The following GTF2B variants were observed in gnomAD, a reference collection of about 807,000 sequenced individuals.
GTF2B encodes transcription initiation factor IIB.
A neutral mutation model predicts 34.6 loss-of-function variants in GTF2B; 20 were observed. The ratio of observed to expected loss-of-function variants is 0.58; its 90% CI spans 0.41 to 0.84. The LOEUF (loss-of-function observed/expected upper bound fraction) is 0.84, where lower values mean the gene tolerates loss of function less well. Among genes scored for constraint, GTF2B ranks in the 40% least tolerant of loss-of-function variants. The probability of loss-of-function intolerance (pLI) is 0.00; values close to 1 mark genes in which losing one functional copy is unlikely to be tolerated. For synonymous variants in GTF2B, 142 were observed against 132.4 expected (o/e 1.07, Z -0.50); for missense variants, 237 against 393.3 (o/e 0.60, Z 3.36).
intron 3 of GTF2B, among the ~76,000 whole-genome samples, chr1:88,863,532 T>C (rs999551036): frequency 1.2e-4 from 18 of 152,026 alleles, no homozygotes; most frequent in African/African-American, 4.1e-4. Flanking sequence ...TTCCTTTTTT[T>C]TTGTAGTAGA....
intron 2 of GTF2B, among the ~76,000 whole-genome samples, chr1:88,883,847 C>A (rs1673999643): frequency 6.6e-6 from 1 of 152,096 alleles, no homozygotes; most frequent in African/African-American, 2.4e-5. Flanking sequence ...ATCTGTTCCA[C>A]TAAGTCTTCT....
At chr1:88,866,844 C>T (rs984966482) in intron 2 of GTF2B, among the ~76,000 whole-genome samples, 5 of 152,122 alleles carry the variant, frequency 3.3e-5, no homozygotes, top group African/African-American at 1.2e-4. Flanking sequence ...AAGGAGAACA[C>T]GCAAGGAAGG....
At chr1:88,869,199 AATCT>A (rs1234336147) in intron 2 of GTF2B, among the ~76,000 whole-genome samples, 1 of 152,242 alleles carries the variant, frequency 6.6e-6, no homozygotes, top group Non-Finnish European at 1.5e-5. Context: ...CTACGTAAGT[AATCT>A]AAAGATGATG....
At position 88,860,283 on chromosome 1, in the gene GTF2B, T is replaced by C; in HGVS notation, c.262A>G (p.Thr88Ala). Residue 88 changes from threonine to alanine, a missense_variant, in exon 4 of 7, where the codon ACA (threonine) becomes GCA (alanine). By Grantham distance (58) the Thr-to-Ala change is moderately conservative. Transcript: ENST00000370500. ...GDLSTMIGKG[T>A]GAASFDEFGN... ...AATTCGTCAAAACTTGCAGCTCCTG[T>C]GCCCTATAAAACAGTTTTATAACTA... is the stretch of plus-strand genomic sequence containing the variant. The C allele has an allele frequency of 6.2e-7, 1 of 1,612,522 alleles. No individual in the cohort carries two copies. Among genetic ancestry groups the C allele is most frequent in the African/African-American group, 1.3e-5 (1 of 74,934 alleles).
intron 2 of GTF2B, among the ~76,000 whole-genome samples, chr1:88,885,859 T>G (rs1200397472): frequency 6.6e-6 from 1 of 152,200 alleles, no homozygotes; most frequent in African/African-American, 2.4e-5. Context: ...AAAGCCAGAA[T>G]TAACAAATAG....
chr1:88,853,424 A>T (rs1052218951), intron 6 of GTF2B, 78 bp from the exon 7 acceptor site: 4 of 1,295,172 alleles, frequency 3.1e-6, no homozygotes, highest in Non-Finnish European at 4.4e-6. Context: ...AATTTGTGAG[A>T]TATGATAGTA....
At chr1:88,866,932 C>A (rs751478580) in intron 2 of GTF2B, among the ~76,000 whole-genome samples, 1 of 152,112 alleles carries the variant, frequency 6.6e-6, no homozygotes, top group Non-Finnish European at 1.5e-5. Context: ...AGGAGAAAAG[C>A]GTTAGATGGA....
intron 3 of GTF2B, among the ~76,000 whole-genome samples, chr1:88,862,010 T>C (rs1342312497): frequency 6.6e-6 from 1 of 152,054 alleles, no homozygotes; most frequent in Admixed American, 6.6e-5. Flanking sequence ...GTACAAAAAA[T>C]GCAAGTGAAC....
At chr1:88,881,442 A>G (rs2100978086) in intron 2 of GTF2B, among the ~76,000 whole-genome samples, 1 of 152,328 alleles carries the variant, frequency 6.6e-6, no homozygotes, top group Middle Eastern at 3.4e-3. Context: ...GATATATGAC[A>G]TTAATATATA....
intron 2 of GTF2B, among the ~76,000 whole-genome samples, chr1:88,872,297 T>G (rs1343326800): frequency 1.3e-5 from 2 of 150,940 alleles, no homozygotes; most frequent in Non-Finnish European, 3.0e-5. Context: ...CTACTAAAAA[T>G]ACGAAATTAG....
intron 1 of GTF2B, 112 bp downstream of exon 1, chr1:88,891,371 C>G (rs190065426): frequency 0.023 from 16,864 of 735,396 alleles, 292 homozygotes; most frequent in South Asian, 0.049. Context: ...CCCGCCGCTT[C>G]TCTCCCATAC....
chr1:88,857,178 T>G, intron 6 of GTF2B, 28 bp downstream of exon 6: 1 of 1,575,558 alleles, frequency 6.3e-7, no homozygotes, highest in Non-Finnish European at 8.6e-7. Flanking sequence ...TTCAGTTTAC[T>G]GCCACACTTC....
At chr1:88,875,922 G>A (rs1673807292) in intron 2 of GTF2B, among the ~76,000 whole-genome samples, 1 of 152,076 alleles carries the variant, frequency 6.6e-6, no homozygotes, top group South Asian at 2.1e-4. Flanking sequence ...TCAGAAGATG[G>A]GAATCTTGAG....
rs934702536 is a variant in GTF2B, at chr1:88,852,913, T to C, written c.*300A>G. ...TTGTAATTATGTATCATAAGTTACA[T>C]GTAACATATAACAAAAACTTGAGTT... On this transcript the variant is annotated 3_prime_UTR_variant, in exon 7 of 7. Transcript: ENST00000370500. 10 of 307,694 alleles carry C rather than the reference T, an allele frequency of 3.2e-5. No homozygotes were observed. The highest frequency in any genetic ancestry group is 1.3e-4 in the African/African-American group (6 of 45,920). The allele number at this position is 307,694 out of a possible 1,614,324, so 19.1% of individuals were successfully genotyped here.
chr1:88,870,216 G>A (rs61766107), intron 2 of GTF2B, among the ~76,000 whole-genome samples: 8,544 of 152,212 alleles, frequency 0.056, 354 homozygotes, highest in Middle Eastern at 0.13. Flanking sequence ...GTGAGCCACC[G>A]CGCCAGGCTG....
At chr1:88,856,277 A>AAAC (rs1673305619) in intron 6 of GTF2B, among the ~76,000 whole-genome samples, 1 of 126,800 alleles carries the variant, frequency 7.9e-6, no homozygotes, top group African/African-American at 3.1e-5. Flanking sequence ...AAAAACAAAA[A>AAAC]AAAAAAAAAA....
In GTF2B at chr1:88,857,261, T is replaced by C; in HGVS notation, c.762A>G (p.Ala254=). 6.2e-7 allele frequency: 1 copy of C among 1,614,110 alleles called. No homozygotes were observed. The highest frequency in any genetic ancestry group is 8.5e-7 in the Non-Finnish European group (1 of 1,179,942). The change falls in exon 6 of 7, where the codon GCA becomes GCG. Residue 254 remains alanine, a synonymous_variant. Coordinates refer to ENST00000370500, the MANE Select transcript of GTF2B (RefSeq NM_001514.6). The part of the protein sequence containing the change: ...LVPGRSPISV[A]AAAIYMASQA... ...GTGAGGCCATGTAAATAGCTGCCGC[T>C]GCCACAGAGATGGGGCTCCTCCCAG...
intron 2 of GTF2B, among the ~76,000 whole-genome samples, chr1:88,870,217 C>T (rs558182178): frequency 2.0e-5 from 3 of 152,274 alleles, no homozygotes; most frequent in East Asian, 1.9e-4. Flanking sequence ...TGAGCCACCG[C>T]GCCAGGCTGC....
chr1:88,869,775 T>A (rs1673647071), intron 2 of GTF2B, among the ~76,000 whole-genome samples: 1 of 151,148 alleles, frequency 6.6e-6, no homozygotes, highest in South Asian at 2.1e-4. Context: ...TACAGGCGCC[T>A]GCCACCACGT....
Sources: allele counts gnomAD v4.1 joint callset (sites outside exome capture counted in the v4.1 genomes callset), GRCh38; gene constraint gnomAD v4.1.1; transcripts MANE v1.5; gene names NCBI Gene and HGNC (gene_info 2026-07-23, HGNC 2026-07-21).